CHST11: variants seen among roughly 807,000 people sequenced by gnomAD.
The protein encoded by CHST11 is carbohydrate sulfotransferase 11.
In CHST11, 9 loss-of-function variants were observed where a neutral mutation model predicts 30.4. The ratio of observed to expected loss-of-function variants is 0.30; its 90% CI spans 0.18 to 0.52. The LOEUF is 0.52. Among genes scored for constraint, CHST11 ranks in the 20% least tolerant of loss-of-function variants. The pLI, the probability that CHST11 is intolerant of heterozygous loss-of-function variation, is 0.97. For synonymous variants in CHST11, 152 were observed against 187.8 expected, an observed-to-expected ratio of 0.81 and a Z score of 1.56; for missense variants, 348 against 460.6, an observed-to-expected ratio of 0.76 and a Z score of 2.24.
At chr12:104,688,161 C>T (rs1198024719) in intron 2 of CHST11, among the ~76,000 whole-genome samples, 1 of 152,190 alleles carries the variant, frequency 6.6e-6, no homozygotes, top group Non-Finnish European at 1.5e-5. Context: ...CAATAGGGAC[C>T]ATTTTAAAAT....
At chr12:104,631,120 A>C (rs2039265914) in intron 2 of CHST11, among the ~76,000 whole-genome samples, 1 of 152,150 alleles carries the variant, frequency 6.6e-6, no homozygotes, top group African/African-American at 2.4e-5. Flanking sequence ...GATGCTGTTA[A>C]CCAAATGTGG....
intron 1 of CHST11, among the ~76,000 whole-genome samples, chr12:104,528,071 A>G (rs1483811145): frequency 6.6e-6 from 1 of 152,228 alleles, no homozygotes; most frequent in African/African-American, 2.4e-5. Flanking sequence ...ACAGAGCCAA[A>G]CCATATCAGA....
chr12:104,557,287 T>C (rs1172947843), intron 1 of CHST11, among the ~76,000 whole-genome samples: 1 of 152,184 alleles, frequency 6.6e-6, no homozygotes, highest in African/African-American at 2.4e-5. Context: ...GCTGTGCACC[T>C]GGGAACAGGG....
chr12:104,580,121 CA>C (rs1338462883), intron 1 of CHST11, among the ~76,000 whole-genome samples: 2 of 152,160 alleles, frequency 1.3e-5, no homozygotes, highest in Admixed American at 1.3e-4. Context: ...TCAGCTAGTT[CA>C]TTAGGGGATT....
chr12:104,623,112 A>G (rs1043908132), intron 2 of CHST11, among the ~76,000 whole-genome samples: 10 of 152,196 alleles, frequency 6.6e-5, no homozygotes, highest in African/African-American at 2.4e-4. Context: ...AGCCAAGACA[A>G]TATGTAAATG....
At chr12:104,545,713 G>C (rs2038340243) in intron 1 of CHST11, among the ~76,000 whole-genome samples, 1 of 152,208 alleles carries the variant, frequency 6.6e-6, no homozygotes, top group Admixed American at 6.5e-5. Context: ...GTGGCAGCTA[G>C]TTGGTTGTTA....
At chr12:104,513,924 G>T in intron 1 of CHST11, 1 of 507,604 alleles carries the variant, frequency 2.0e-6, no homozygotes, top group Non-Finnish European at 3.6e-6. Context: ...TTGCTATAAA[G>T]GAATACCTGA....
intron 1 of CHST11, among the ~76,000 whole-genome samples, chr12:104,532,785 T>C (rs1263466528): frequency 6.6e-6 from 1 of 152,130 alleles, no homozygotes; most frequent in Non-Finnish European, 1.5e-5. Context: ...GATCCTACAA[T>C]GCTCCTGAGC....
At chr12:104,571,617 C>A (rs1292243155) in intron 1 of CHST11, among the ~76,000 whole-genome samples, 1 of 152,176 alleles carries the variant, frequency 6.6e-6, no homozygotes, top group Admixed American at 6.5e-5. Flanking sequence ...GAGGAAGTGG[C>A]AGCTCAGGTC....
In CHST11 at chr12:104,729,272, C is replaced by T. The variant is rs150271420; in HGVS notation, c.205-27677C>T. Reference sequence around the variant, plus strand: ...TCCCCTTGAGCAAGCCTCTCTGTGACCTACAGCTTCCTCCCCTGTGAAATC... The same window carrying T: ...TCCCCTTGAGCAAGCCTCTCTGTGATCTACAGCTTCCTCCCCTGTGAAATC... On this transcript the variant is annotated intron_variant, in intron 2 of 2. Coordinates refer to ENST00000303694, the MANE Select transcript of CHST11 (RefSeq NM_018413.6). The surrounding 1 kb of genome is among the most constrained non-coding windows in gnomAD (Gnocchi z 4.0). Among the ~76,000 whole-genome samples, 4 of 152,294 alleles carry T rather than the reference C, an allele frequency of 2.6e-5. No homozygotes were observed. The East Asian group carries it at 7.7e-4, about 29-fold the overall frequency.
At chr12:104,637,435 A>G (rs1289662800) in intron 2 of CHST11, among the ~76,000 whole-genome samples, 2 of 151,682 alleles carry the variant, frequency 1.3e-5, no homozygotes, top group African/African-American at 4.9e-5. Flanking sequence ...ATGTATACAT[A>G]TGTAACAAAC....
intron 2 of CHST11, among the ~76,000 whole-genome samples, chr12:104,748,000 G>T (rs564847458): frequency 6.6e-6 from 1 of 152,210 alleles, no homozygotes; most frequent in African/African-American, 2.4e-5. Flanking sequence ...AATTATGGTT[G>T]CCTTTTATAA....
chr12:104,644,324 T>C (rs1385771224), intron 2 of CHST11, among the ~76,000 whole-genome samples: 1 of 152,234 alleles, frequency 6.6e-6, no homozygotes, highest in Non-Finnish European at 1.5e-5. Flanking sequence ...CCACCGCTTA[T>C]GATTCCACTC....
At chr12:104,481,703 A>C (rs2037624570) in intron 1 of CHST11, among the ~76,000 whole-genome samples, 1 of 152,194 alleles carries the variant, frequency 6.6e-6, no homozygotes, top group African/African-American at 2.4e-5. Context: ...CCAAGTGAAC[A>C]GAGTATTTAC....
chr12:104,574,534 A>T (rs922938147), intron 1 of CHST11, among the ~76,000 whole-genome samples: 54 of 152,328 alleles, frequency 3.5e-4, no homozygotes, highest in African/African-American at 1.3e-3. Context: ...CAGCCATAAA[A>T]AATGATGAGT....
At chr12:104,695,731 G>A (rs1002751545) in intron 2 of CHST11, among the ~76,000 whole-genome samples, 25 of 152,052 alleles carry the variant, frequency 1.6e-4, no homozygotes, top group African/African-American at 3.1e-4. Context: ...AAATGGGGGC[G>A]GGGGAAATCC....
intron 1 of CHST11, among the ~76,000 whole-genome samples, chr12:104,547,420 G>A (rs866513353): frequency 2.6e-5 from 4 of 152,300 alleles, no homozygotes; most frequent in Admixed American, 6.5e-5. Context: ...GGGTGCATGC[G>A]AGTACTTCCC....
At chr12:104,660,787 C>G (rs2039592034) in intron 2 of CHST11, among the ~76,000 whole-genome samples, 1 of 152,218 alleles carries the variant, frequency 6.6e-6, no homozygotes, top group South Asian at 2.1e-4. Flanking sequence ...CTGAGTCTAG[C>G]TCCACCTGCA....
At chr12:104,606,109 T>C (rs2039002182) in intron 2 of CHST11, among the ~76,000 whole-genome samples, 1 of 139,168 alleles carries the variant, frequency 7.2e-6, no homozygotes, top group Non-Finnish European at 1.5e-5. Context: ...GTTCTAGGGG[T>C]CTCTGAGGAC....
Sources: gnomAD v4.1 joint callset for allele counts (sites outside exome capture counted in the v4.1 genomes callset) on GRCh38, gnomAD v4.1.1 for gene constraint, Gnocchi (gnomAD v3.1) non-coding constraint, MANE v1.5 for transcripts, NCBI Gene and HGNC (gene_info 2026-07-23, HGNC 2026-07-21) for gene names.